PHTF2: variants seen among roughly 807,000 people sequenced by gnomAD.
PHTF2 encodes the protein putative homeodomain transcription factor 2.
PHTF2 carries 60 observed loss-of-function variants against 101.2 expected under a neutral mutation model. The ratio of observed to expected loss-of-function variants is 0.59; its 90% confidence interval spans 0.48 to 0.73. The LOEUF (loss-of-function observed/expected upper bound fraction) is 0.73. Among genes scored for constraint, PHTF2 ranks in the 30% least tolerant of loss-of-function variants. The pLI is 0.00. For missense variants in PHTF2, 747 were observed against 908.7 expected, an observed-to-expected ratio of 0.82 and a Z score of 2.29; for synonymous variants, 311 against 307.3, an observed-to-expected ratio of 1.01 and a Z score of -0.13.
chr7:77,896,503 A>G (rs1253795407), intron 5 of PHTF2, among the ~76,000 whole-genome samples: 1 of 152,192 alleles, frequency 6.6e-6, no homozygotes, highest in Non-Finnish European at 1.5e-5. Flanking sequence ...GTAGTGAGCC[A>G]TGATCACACC....
intron 9 of PHTF2, among the ~76,000 whole-genome samples, chr7:77,913,838 C>T (rs1272737505): frequency 6.6e-6 from 1 of 152,084 alleles, no homozygotes; most frequent in Non-Finnish European, 1.5e-5. Context: ...ATCAGTCAGG[C>T]ATATTAGTTA....
chr7:77,948,949 T>C (rs886327008), intron 16 of PHTF2, among the ~76,000 whole-genome samples: 3 of 152,200 alleles, frequency 2.0e-5, no homozygotes, highest in African/African-American at 7.2e-5. Context: ...GGAGAAAGTT[T>C]TGCATGTGCG....
intron 10 of PHTF2, among the ~76,000 whole-genome samples, chr7:77,921,245 G>A (rs1306317502): frequency 6.6e-6 from 1 of 152,116 alleles, no homozygotes; most frequent in African/African-American, 2.4e-5. Flanking sequence ...TCTTACTGGG[G>A]ACATATTTGT....
chr7:77,916,919 G>A (rs574309792), intron 9 of PHTF2, among the ~76,000 whole-genome samples: 61 of 152,188 alleles, frequency 4.0e-4, no homozygotes, highest in Admixed American at 2.2e-3. Context: ...CACAAATATG[G>A]AACCTGTGGA....
chr7:77,867,752 C>T (rs1690896956), intron 3 of PHTF2, among the ~76,000 whole-genome samples: 1 of 152,134 alleles, frequency 6.6e-6, no homozygotes, highest in Non-Finnish European at 1.5e-5. Context: ...TATGTGAGAG[C>T]TTTCATTTTT....
chr7:77,845,643 G>A (rs914061275), intron 2 of PHTF2, among the ~76,000 whole-genome samples: 5 of 152,116 alleles, frequency 3.3e-5, no homozygotes, highest in Non-Finnish European at 7.4e-5. Flanking sequence ...GTGTGTGTGG[G>A]CATGCACACG....
rs1445037615 is a variant in PHTF2, at chr7:77,911,398, G to A, written c.776+989G>A. Among the ~76,000 whole-genome samples the A allele has an allele frequency of 3.3e-5, 5 of 151,672 alleles. No homozygotes were observed. In the East Asian group the frequency reaches 9.7e-4, roughly 29 times the overall value. The stretch of plus-strand genomic sequence containing the variant: ...ATTAAAAAAAACCTAACTCAAGCTT[G>A]TATTATTATTATTATTATTTTGAAT... On this transcript the variant is annotated intron_variant, in intron 9 of 19. Transcript: ENST00000416283.
At chr7:77,878,480 G>A (rs1197248959) in intron 3 of PHTF2, among the ~76,000 whole-genome samples, 1 of 152,076 alleles carries the variant, frequency 6.6e-6, no homozygotes, top group Admixed American at 6.5e-5. Context: ...AACTGGGGAG[G>A]TTATGAATCT....
intron 3 of PHTF2, among the ~76,000 whole-genome samples, chr7:77,869,601 T>TATTGCTA (rs1243305006): frequency 3.3e-5 from 5 of 152,218 alleles, no homozygotes; most frequent in African/African-American, 4.8e-5. Context: ...CTAGATCATA[T>TATTGCTA]GGTAGTTCAA....
At chr7:77,922,908 A>G (rs1220436721) in intron 11 of PHTF2, 130 bp downstream of exon 10, 2 of 1,288,168 alleles carry the variant, frequency 1.6e-6, no homozygotes, top group Non-Finnish European at 2.0e-6. Context: ...TTATTGTTGT[A>G]TGATCTGGAT....
intron 3 of PHTF2, among the ~76,000 whole-genome samples, chr7:77,866,774 C>T (rs1798101819): frequency 6.6e-6 from 1 of 152,104 alleles, no homozygotes; most frequent in Admixed American, 6.5e-5. Flanking sequence ...TAAAATATGA[C>T]ATAGCTTTTC....
chr7:77,956,224 G>A (rs1389757605), exon 20 of PHTF2: 1 of 152,502 alleles, frequency 6.6e-6, no homozygotes, highest in Non-Finnish European at 1.5e-5. Flanking sequence ...TTGGTGCAAA[G>A]TGTATCATGT....
At chr7:77,842,748 G>A (rs1394823989) in intron 2 of PHTF2, among the ~76,000 whole-genome samples, 13 of 152,076 alleles carry the variant, frequency 8.5e-5, no homozygotes, top group South Asian at 8.3e-4. Context: ...ACAAAATGTC[G>A]TACAACATTC....
chr7:77,853,504 G>A (rs149992569), intron 2 of PHTF2, among the ~76,000 whole-genome samples: 1 of 151,432 alleles, frequency 6.6e-6, no homozygotes, highest in Non-Finnish European at 1.5e-5. Context: ...AGCAATTCTC[G>A]TGCCTCAGCC....
chr7:77,869,760 A>G (rs1798369288), intron 3 of PHTF2, among the ~76,000 whole-genome samples: 1 of 152,156 alleles, frequency 6.6e-6, no homozygotes, highest in African/African-American at 2.4e-5. Context: ...CATTTTAACT[A>G]GAGTGAGATG....
At chr7:77,858,027 G>GT (rs1390484800) in intron 3 of PHTF2, among the ~76,000 whole-genome samples, 1 of 152,124 alleles carries the variant, frequency 6.6e-6, no homozygotes, top group Non-Finnish European at 1.5e-5. Flanking sequence ...TTTAGTTGGT[G>GT]TTTGTTGTCT....
At chr7:77,943,627 C>T (rs1584783665) in intron 16 of PHTF2, among the ~76,000 whole-genome samples, 3 of 152,028 alleles carry the variant, frequency 2.0e-5, no homozygotes, top group Admixed American at 1.3e-4. Context: ...TAAGTTTAAA[C>T]GTATTAAAAT....
At chr7:77,843,860 A>T (rs1288739232) in intron 2 of PHTF2, among the ~76,000 whole-genome samples, 2 of 152,216 alleles carry the variant, frequency 1.3e-5, no homozygotes, top group African/African-American at 4.8e-5. Context: ...TATGATTTTT[A>T]AAAGTTTTAA....
Position 77,922,792 on chromosome 7 carries a change from CCT to C in PHTF2, c.1119+15_1119+16del. The C allele has an allele frequency of 6.5e-7, 1 of 1,530,044 alleles. No homozygotes were observed. The highest frequency in any genetic ancestry group is 9.0e-7 in the Non-Finnish European group (1 of 1,117,176). 94.8% of individuals were successfully genotyped at this position (1,530,044 alleles called of 1,614,324 possible). A position where few individuals can be genotyped will look rare whatever the true frequency, so the allele number is the denominator to read the frequency against. ...TACCCTAATGAGGTATATACTTTGT[CCT>C]TAAGTGTATACATACGTATCTATTT... On this transcript the variant is annotated intron_variant, in intron 11 of 19. Coordinates refer to ENST00000416283, the Ensembl canonical transcript of PHTF2.
Sources: gnomAD v4.1 joint callset for allele counts (sites outside exome capture counted in the v4.1 genomes callset) on GRCh38, gnomAD v4.1.1 for gene constraint, MANE v1.5 for transcripts, NCBI Gene and HGNC (gene_info 2026-07-23, HGNC 2026-07-21) for gene names.